Variants in NEXMIF observed in about 807,000 individuals in gnomAD.
NEXMIF encodes the protein XLMR protein related to neurite extension.
A neutral mutation model predicts 62.1 loss-of-function variants in NEXMIF; 8 were observed. That is an observed-to-expected ratio of 0.13 (90% CI 0.08 to 0.23). The LOEUF (loss-of-function observed/expected upper bound fraction) is 0.23. NEXMIF is among the 10% of genes least tolerant of loss of function. The pLI is 1.00. For synonymous variants in NEXMIF, 404 were observed against 416.6 expected (o/e 0.97, Z 0.37); for missense variants, 976 against 1,113.3 (o/e 0.88, Z 1.75).
intron 1 of NEXMIF, among the ~76,000 whole-genome samples, chrX:74,830,758 G>T (rs1272259156): frequency 9.0e-6 from 1 of 111,488 alleles, no homozygotes; most frequent in Admixed American, 9.5e-5. Context: ...TCATTGTAGA[G>T]ATCTTTCACT....
chrX:74,886,528 A>T (rs2080694207), intron 1 of NEXMIF, among the ~76,000 whole-genome samples: 1 of 111,876 alleles, frequency 8.9e-6, no homozygotes, highest in African/African-American at 3.3e-5. Context: ...GAGCCAAATC[A>T]TGAGTGAAAT....
chrX:74,767,488 G>A (rs1334840873), intron 1 of NEXMIF, among the ~76,000 whole-genome samples: 2 of 111,579 alleles, frequency 1.8e-5, no homozygotes, highest in South Asian at 3.8e-4. Flanking sequence ...GAAGAGAAAC[G>A]GGATCCAGCA....
intron 1 of NEXMIF, chrX:74,769,814 A>G (rs1459937203): frequency 6.9e-6 from 3 of 437,230 alleles, no homozygotes; most frequent in Non-Finnish European, 1.2e-5. Context: ...GTATTATACT[A>G]TAAAAAAATC....
intron 1 of NEXMIF, among the ~76,000 whole-genome samples, chrX:74,881,295 A>T (rs774496006): frequency 1.3e-3 from 141 of 109,716 alleles, no homozygotes; most frequent in Non-Finnish European, 2.3e-3. Flanking sequence ...AAGCACAATC[A>T]TTTCTTCATA....
intron 1 of NEXMIF, among the ~76,000 whole-genome samples, chrX:74,748,813 A>C (rs2080133423): frequency 9.0e-6 from 1 of 111,512 alleles, no homozygotes; most frequent in Non-Finnish European, 1.9e-5. Flanking sequence ...GGTGACCCAC[A>C]CCAACATTTG....
chrX:74,777,411 AC>A (rs2080231827), intron 1 of NEXMIF, among the ~76,000 whole-genome samples: 3 of 111,662 alleles, frequency 2.7e-5, no homozygotes, highest in African/African-American at 9.8e-5. Flanking sequence ...GATATCCATC[AC>A]CTCCAACATT....
At chrX:74,872,974 GTTTT>G (rs895604748) in intron 1 of NEXMIF, among the ~76,000 whole-genome samples, 1 of 104,491 alleles carries the variant, frequency 9.6e-6, no homozygotes, top group Non-Finnish European at 2.0e-5. Flanking sequence ...AATTGTTTTG[GTTTT>G]TTTTTAATTA....
chrX:74,790,412 T>C (rs1424949373), intron 1 of NEXMIF, among the ~76,000 whole-genome samples: 10 of 113,234 alleles, frequency 8.8e-5, no homozygotes, highest in African/African-American at 2.9e-4. Context: ...GGTAGTGTGA[T>C]GCCTCCAGCT....
intron 1 of NEXMIF, among the ~76,000 whole-genome samples, chrX:74,823,490 A>C (rs1470895331): frequency 8.9e-6 from 1 of 111,870 alleles, no homozygotes; most frequent in African/African-American, 3.2e-5. Context: ...TGCTAAACAC[A>C]ATTTGAGCTT....
intron 1 of NEXMIF, among the ~76,000 whole-genome samples, chrX:74,878,894 C>T (rs979065378): frequency 8.9e-6 from 1 of 112,621 alleles, no homozygotes; most frequent in Non-Finnish European, 1.9e-5. Flanking sequence ...CTGTCTGGCA[C>T]TCCCAATGAG....
At chrX:74,914,611 G>A (rs2080800689) in intron 1 of NEXMIF, among the ~76,000 whole-genome samples, 1 of 112,009 alleles carries the variant, frequency 8.9e-6, no homozygotes, top group Non-Finnish European at 1.9e-5. Flanking sequence ...AACCTGGGAG[G>A]TGGAGATTGC....
intron 1 of NEXMIF, among the ~76,000 whole-genome samples, chrX:74,773,850 A>T (rs2080219236): frequency 1.1e-5 from 1 of 92,091 alleles, no homozygotes; most frequent in Non-Finnish European, 2.1e-5. Context: ...CAGAGGTTGC[A>T]GTGAGCTGAG....
intron 1 of NEXMIF, among the ~76,000 whole-genome samples, chrX:74,773,484 T>C (rs1043055247): frequency 9.0e-6 from 1 of 111,125 alleles, no homozygotes; most frequent in Non-Finnish European, 1.9e-5. Context: ...GGCTGAGAGC[T>C]AGGGTTCAGT....
At chrX:74,884,017 C>T (rs2080678532) in intron 1 of NEXMIF, among the ~76,000 whole-genome samples, 1 of 112,041 alleles carries the variant, frequency 8.9e-6, no homozygotes, top group South Asian at 3.8e-4. Flanking sequence ...AAAGAATTTT[C>T]AACCCAGAAT....
chrX:74,793,129 A>T (rs1336918979), intron 1 of NEXMIF, among the ~76,000 whole-genome samples: 1 of 110,663 alleles, frequency 9.0e-6, no homozygotes, highest in East Asian at 2.8e-4. Flanking sequence ...GTTCCTTTCC[A>T]TGTTTAGTGC....
At position 74,763,685 on chromosome X, in the gene NEXMIF, C is replaced by A. The variant is rs1376029019; in HGVS notation, c.-47-17988G>T. On this transcript the variant is annotated intron_variant, in intron 1 of 3. Transcript: ENST00000055682. ...TTCTCCTTAAAGAGGTCCTTCACAT[C>A]CCTTGTAAGTTGAATTCCTAGGTAT... 7.1e-5 allele frequency among the ~76,000 whole-genome samples: 7 copies of A among 99,009 alleles called. No homozygotes were observed. In the East Asian group the frequency reaches 2.3e-3, roughly 32 times the overall value. The allele number at this position is 99,009 out of a possible 115,157, so 86.0% of individuals were successfully genotyped here.
chrX:74,869,355 AAGTT>A (rs1463950309), intron 1 of NEXMIF, among the ~76,000 whole-genome samples: 1 of 111,668 alleles, frequency 9.0e-6, no homozygotes, highest in Non-Finnish European at 1.9e-5. Context: ...GACAGACCAA[AAGTT>A]AGTATCATAC....
intron 1 of NEXMIF, among the ~76,000 whole-genome samples, chrX:74,835,132 T>C (rs904575289): frequency 8.9e-6 from 1 of 112,307 alleles, no homozygotes; most frequent in Non-Finnish European, 1.9e-5. Flanking sequence ...TTTTCAACTC[T>C]AGAATTTCTG....
intron 1 of NEXMIF, among the ~76,000 whole-genome samples, chrX:74,897,473 T>C (rs5937314): frequency 0.021 from 2,387 of 112,404 alleles, 39 homozygotes; most frequent in South Asian, 0.13. Flanking sequence ...TACTATTTAC[T>C]ATCATACATA....
Sources: gnomAD v4.1 joint callset for allele counts (sites outside exome capture counted in the v4.1 genomes callset) on GRCh38, gnomAD v4.1.1 for gene constraint, MANE v1.5 for transcripts, NCBI Gene and HGNC (gene_info 2026-07-23, HGNC 2026-07-21) for gene names.